Variants in KHDRBS1 observed in about 807,000 individuals in gnomAD.
KHDRBS1 encodes the protein KH domain-containing, RNA-binding, signal transduction-associated protein 1.
A neutral mutation model predicts 48.4 loss-of-function variants in KHDRBS1; 7 were observed. The observed-to-expected ratio is 0.14, with a 90% CI of 0.08 to 0.27. The LOEUF is 0.27. Ranked by LOEUF, KHDRBS1 falls within the 10% of genes least tolerant of loss-of-function variation. KHDRBS1 has a pLI of 1.00. For missense variants in KHDRBS1, 458 were observed against 601.2 expected (o/e 0.76, Z 2.49); for synonymous variants, 241 against 235.8 (o/e 1.02, Z -0.20).
At chr1:32,054,778 A>AT (rs35009101) in intron 10 of KHDRBS1, among the ~76,000 whole-genome samples, 83 of 151,820 alleles carry the variant, frequency 5.5e-4, no homozygotes, top group Admixed American at 1.2e-3. Flanking sequence ...TTTTTCTGCA[A>AT]TTTTTTTTTA....
In KHDRBS1 at chr1:32,019,100, AAAAC is replaced by A. The variant is rs151087441; in HGVS notation, c.382+4739_382+4742del. ...GCGACAGAGCGAGACTCTGTCTTAAAAAACAAACAAACAAACAAAAAACCAGCAA... is the reference window on the plus strand; with the variant it reads ...GCGACAGAGCGAGACTCTGTCTTAAAAAACAAACAAACAAAAAACCAGCAA... On this transcript the variant is annotated intron_variant, in intron 1 of 8. Transcript: ENST00000327300. 1.5e-3 allele frequency among the ~76,000 whole-genome samples: 229 copies of A among 151,642 alleles called. 1 individual carries two copies. The highest frequency in any genetic ancestry group is 2.4e-3 in the Non-Finnish European group (160 of 68,030).
At chr1:32,020,600 G>A (rs1638838260) in intron 1 of KHDRBS1, among the ~76,000 whole-genome samples, 1 of 147,542 alleles carries the variant, frequency 6.8e-6, no homozygotes, top group African/African-American at 2.5e-5. Flanking sequence ...CCATACAGTG[G>A]AACAGTACTG....
At chr1:32,038,523 A>T (rs1175912259) in intron 6 of KHDRBS1, 29 bp from the exon 7 acceptor site, 1 of 1,608,438 alleles carries the variant, frequency 6.2e-7, no homozygotes, top group Non-Finnish European at 8.5e-7. Flanking sequence ...TTGATCTTTT[A>T]TTTCATTTTT....
chr1:32,023,647 A>T (rs749528613), intron 1 of KHDRBS1, among the ~76,000 whole-genome samples: 2 of 152,212 alleles, frequency 1.3e-5, no homozygotes, highest in Non-Finnish European at 2.9e-5. Flanking sequence ...CTTTTGCCTG[A>T]GGTTAAACCA....
chr1:32,026,170 C>T (rs1638967552), intron 1 of KHDRBS1, among the ~76,000 whole-genome samples: 1 of 151,926 alleles, frequency 6.6e-6, no homozygotes, highest in South Asian at 2.1e-4. Context: ...TCTAAAAATG[C>T]TTTCCTTTGC....
intron 1 of KHDRBS1, among the ~76,000 whole-genome samples, chr1:32,024,176 C>G (rs1015427317): frequency 1.3e-5 from 2 of 152,024 alleles, no homozygotes; most frequent in African/African-American, 2.4e-5. Context: ...TTGCTTGAAC[C>G]TGGGAGGCAG....
chr1:32,027,306 T>G (rs1441764446), intron 1 of KHDRBS1, among the ~76,000 whole-genome samples: 1 of 152,180 alleles, frequency 6.6e-6, no homozygotes. Context: ...TCTAGGACTT[T>G]GAGGATTGAA....
chr1:32,038,665 G>A, intron 7 of KHDRBS1, 46 bp downstream of exon 7: 9 of 1,543,874 alleles, frequency 5.8e-6, no homozygotes, highest in Non-Finnish European at 8.1e-6. Flanking sequence ...GAGGATGGAT[G>A]GAGGGAGTTG....
At chr1:32,026,730 T>A (rs1460397072) in intron 1 of KHDRBS1, among the ~76,000 whole-genome samples, 1 of 152,224 alleles carries the variant, frequency 6.6e-6, no homozygotes, top group African/African-American at 2.4e-5. Context: ...CTGAAAGGTC[T>A]AACTCAATGG....
intron 5 of KHDRBS1, 80 bp downstream of exon 5, chr1:32,037,123 T>A: frequency 6.8e-7 from 1 of 1,476,658 alleles, no homozygotes; most frequent in Non-Finnish European, 9.2e-7. Context: ...CTCTTATGTC[T>A]AGCTTAGGAA....
intron 2 of KHDRBS1, 86 bp from the exon 3 acceptor site, chr1:32,031,438 G>C (rs1196520052): frequency 2.5e-6 from 2 of 788,290 alleles, no homozygotes; most frequent in Non-Finnish European, 4.2e-6. Flanking sequence ...CCTTTGCAGG[G>C]TTGTTTAAAA....
chr1:32,036,386 G>A (rs896514268), intron 4 of KHDRBS1, among the ~76,000 whole-genome samples: 1 of 151,950 alleles, frequency 6.6e-6, no homozygotes, highest in Admixed American at 6.6e-5. Flanking sequence ...AGCCAGGGTG[G>A]TCTCGATCTC....
chr1:32,019,719 G>T (rs1638818780), intron 1 of KHDRBS1, among the ~76,000 whole-genome samples: 1 of 152,130 alleles, frequency 6.6e-6, no homozygotes, highest in South Asian at 2.1e-4. Context: ...GTAAGATAAA[G>T]CAGAATATCA....
At chr1:32,050,321 AT>A (rs1314742184) in intron 10 of KHDRBS1, among the ~76,000 whole-genome samples, 1 of 152,060 alleles carries the variant, frequency 6.6e-6, no homozygotes, top group Non-Finnish European at 1.5e-5. Context: ...ATTTGCAAAT[AT>A]TTTCTCCCAT....
intron 5 of KHDRBS1, 26 bp from the exon 6 acceptor site, chr1:32,037,809 A>G: frequency 6.2e-7 from 1 of 1,606,416 alleles, no homozygotes. Context: ...AAAAAGCTCC[A>G]TTTAAGATAA....
Position 32,038,470 on chromosome 1 carries a change from T to C in KHDRBS1, c.1108-82T>C, listed in dbSNP as rs1270356744. The stretch of plus-strand genomic sequence containing the variant: ...ATGTCCTTTTAATTCAGAAGCCTAC[T>C]TACTCCCATGGGATGTAATTACCTT... On this transcript the variant is annotated intron_variant, in intron 6 of 8. Transcript: ENST00000327300. The C allele has an allele frequency of 2.8e-5, 38 of 1,342,866 alleles. No individual in the cohort carries two copies. The Admixed American group carries it at 6.4e-4, about 23-fold the overall frequency. 83.2% of individuals were successfully genotyped at this position (1,342,866 alleles called of 1,614,324 possible). A position where few individuals can be genotyped will look rare whatever the true frequency, so the allele number is the denominator to read the frequency against.
chr1:32,041,695 T>G lies in KHDRBS1; in HGVS notation c.1235-832T>G, dbSNP rs1382391661. Among the ~76,000 whole-genome samples the G allele has an allele frequency of 6.2e-5, 9 of 144,086 alleles. No individual in the cohort carries two copies. In the South Asian group the frequency reaches 1.9e-3, roughly 30 times the overall value. The allele number at this position is 144,086 out of a possible 152,430, so 94.5% of individuals were successfully genotyped here. ...ACCTCTGCCTCCCAGGTTCAAGCAC[T>G]TCTCCTGCCTCAGCCTCCTGAGTAG... is the stretch of plus-strand genomic sequence containing the variant. On this transcript the variant is annotated intron_variant, in intron 8 of 8. Coordinates refer to ENST00000327300, the MANE Select transcript of KHDRBS1 (RefSeq NM_006559.3).
intron 1 of KHDRBS1, among the ~76,000 whole-genome samples, chr1:32,020,170 GA>G (rs953163479): frequency 6.6e-6 from 1 of 152,066 alleles, no homozygotes; most frequent in African/African-American, 2.4e-5. Context: ...AGGACTTTGG[GA>G]GGCCAAGGTG....
chr1:32,047,892 T>A (rs1488129673), downstream of KHDRBS1, among the ~76,000 whole-genome samples: 1 of 152,188 alleles, frequency 6.6e-6, no homozygotes, highest in Non-Finnish European at 1.5e-5. Context: ...CAGCCACTAC[T>A]CTTTCTGTGG....
Sources: allele counts gnomAD v4.1 joint callset (sites outside exome capture counted in the v4.1 genomes callset), GRCh38; gene constraint gnomAD v4.1.1; transcripts MANE v1.5; gene names NCBI Gene and HGNC (gene_info 2026-07-23, HGNC 2026-07-21).